Variants in ZNF749 observed in about 807,000 individuals in gnomAD.
The protein encoded by ZNF749 is zinc finger protein 749.
Under a neutral mutation model 7.3 loss-of-function variants are expected in ZNF749, and 8 were observed. The observed-to-expected ratio is 1.10, with a 90% CI of 0.64 to 1.98. The LOEUF is 1.98. Among genes scored for constraint, ZNF749 ranks in the 30% most tolerant of loss-of-function variants. The probability of loss-of-function intolerance (pLI) is 0.00; values close to 1 mark genes in which losing one functional copy is unlikely to be tolerated. For missense variants in ZNF749, 898 were observed against 932.4 expected, an observed-to-expected ratio of 0.96 and a Z score of 0.48; for synonymous variants, 310 against 322.4, an observed-to-expected ratio of 0.96 and a Z score of 0.41.
At position 57,442,036 on chromosome 19, in the gene ZNF749, T is replaced by C. The variant is rs749630023; in HGVS notation, c.142+25T>C. 8.1e-6 allele frequency: 13 copies of C among 1,605,876 alleles called. No individual in the cohort carries two copies. The highest frequency in any genetic ancestry group is 1.1e-5 in the South Asian group (1 of 89,570). On this transcript the variant is annotated intron_variant, in intron 2 of 2. Transcript: ENST00000334181. This position sits in a 1 kb window ranked among gnomAD's most constrained non-coding sequence, Gnocchi z 6.6. ...GGTAAGGCCTTCATACCTACTCTGG[T>C]GTCTTGTGCTGGGTGCTGTTTTTTT...
upstream of ZNF749, among the ~76,000 whole-genome samples, chr19:57,432,559 C>CT (rs1333343115): frequency 5.0e-3 from 461 of 92,154 alleles, 2 homozygotes; most frequent in Non-Finnish European, 7.6e-3. Flanking sequence ...GAGACTCTGT[C>CT]TTAAAAAAAA....
Position 57,443,551 on chromosome 19 carries a change from G to A in ZNF749, c.403G>A (p.Glu135Lys), listed in dbSNP as rs2089017427. 6.2e-7 allele frequency: 1 copy of A among 1,614,134 alleles called. No individual in the cohort carries two copies. Among genetic ancestry groups the A allele is most frequent in the Non-Finnish European group, 8.5e-7 (1 of 1,180,050 alleles). ...QIREKLTRSD[E>K]WRPSFVNHSA... ...TAGAGAGAAGCTCACCAGAAGTGATGAGTGGAGGCCTTCATTTGTGAACCA... is the reference window on the plus strand; with the variant it reads ...TAGAGAGAAGCTCACCAGAAGTGATAAGTGGAGGCCTTCATTTGTGAACCA... The change falls in exon 3 of 3, where the codon GAG becomes AAG. Residue 135 changes from glutamate (E) to lysine (K), a missense_variant. Transcript: ENST00000334181.
At chr19:57,441,226 AGCAGTGGGGGCGAGAGAAGTGCGAAT>A (rs1177498915) in intron 1 of ZNF749, among the ~76,000 whole-genome samples, 1 of 151,592 alleles carries the variant, frequency 6.6e-6, no homozygotes, top group Non-Finnish European at 1.5e-5. Context: ...AGCAATCAGT[AGCAGTGGGGGCGAGAGAAGTGCGAAT>A]GCTACCAGGA....
rs2088924979 is a variant in ZNF749 at position 57,435,475 on chromosome 19, C to T, written c.-104C>T. On this transcript the variant is annotated 5_prime_UTR_variant, in exon 1 of 3. Transcript: ENST00000334181. Reference sequence around the variant, plus strand: ...TTCCTTCTACACAGAGGCTAGAGTGCGGATCGGCTGAGTCGGCTGCAGGCG... The same window carrying T: ...TTCCTTCTACACAGAGGCTAGAGTGTGGATCGGCTGAGTCGGCTGCAGGCG... 25 of 1,505,140 alleles carry T rather than the reference C, an allele frequency of 1.7e-5. 1 individual carries two copies. In the South Asian group the frequency reaches 2.9e-4, roughly 17 times the overall value. 93.2% of individuals were successfully genotyped at this position (1,505,140 alleles called of 1,614,324 possible). A position where few individuals can be genotyped will look rare whatever the true frequency, so the allele number is the denominator to read the frequency against.
rs753114536 is a variant in ZNF749 at position 57,443,978 on chromosome 19, G to T, written c.830G>T (p.Gly277Val). ...CAGCACCAGAAAATTCACAGTGAAGGCTTTCTTTCAAAAAGGTCTGACCCC... is the reference window on the plus strand; with the variant it reads ...CAGCACCAGAAAATTCACAGTGAAGTCTTTCTTTCAAAAAGGTCTGACCCC... ...LVQHQKIHSE[G>V]FLSKRSDPIE... is the part of the protein sequence containing the mutation. The change falls in exon 3 of 3, where the codon GGC (glycine) becomes GTC (valine). Residue 277 changes from glycine (G) to valine (V), a missense_variant. Transcript: ENST00000334181. 33 of 1,613,586 alleles carry T rather than the reference G, an allele frequency of 2.0e-5. No homozygotes were observed. The highest frequency in any genetic ancestry group is 2.5e-5 in the Non-Finnish European group (29 of 1,179,800).
chr19:57,441,834 A>C, intron 1 of ZNF749, 51 bp from the exon 2 acceptor site: 1 of 1,609,466 alleles, frequency 6.2e-7, no homozygotes. Flanking sequence ...AGATCTAAGG[A>C]AACACAGAAT....
At chr19:57,434,772 C>T (rs948168101), upstream of ZNF749, among the ~76,000 whole-genome samples, 4 of 152,172 alleles carry the variant, frequency 2.6e-5, no homozygotes, top group Non-Finnish European at 5.9e-5. Flanking sequence ...TCCATCACAT[C>T]CTGTGTGGGT....
chr19:57,438,375 G>A, intron 1 of ZNF749: 1 of 288,702 alleles, frequency 3.5e-6, no homozygotes, highest in Non-Finnish European at 6.3e-6. Flanking sequence ...AATAAATGTG[G>A]AGGGCTGTGG....
rs1311594078 is a variant in ZNF749, at chr19:57,444,913, T to C, written c.1765T>C (p.Cys589Arg). ...TGERRYECNE[C>R]GKFFLDSYKL... is the part of the protein sequence containing the mutation. ...AGAACGGCGTTATGAATGCAATGAATGTGGGAAATTCTTTTTGGACAGCTA... is the reference window on the plus strand; with the variant it reads ...AGAACGGCGTTATGAATGCAATGAACGTGGGAAATTCTTTTTGGACAGCTA... Residue 589 changes from cysteine to arginine, a missense_variant, in exon 3 of 3, where the codon TGT becomes CGT. Coordinates refer to ENST00000334181, the MANE Select transcript of ZNF749 (RefSeq NM_001023561.4). 4 of 1,614,034 alleles carry C rather than the reference T, an allele frequency of 2.5e-6. No homozygotes were observed. The Admixed American group carries it at 5.0e-5, about 20-fold the overall frequency.
intron 2 of ZNF749, 53 bp from the exon 3 acceptor site, chr19:57,443,238 G>C (rs1568546113): frequency 1.3e-6 from 2 of 1,482,314 alleles, no homozygotes; most frequent in Admixed American, 1.9e-5. Context: ...TGATGGGGCT[G>C]TCTCCTCCCT....
In ZNF749 at chr19:57,442,554, T is replaced by C. The variant is rs1233323658; in HGVS notation, c.142+543T>C. ...CCTGCCTTTCCCGTAGCTGGACTTA[T>C]GCCGCAGCTAGATAGTTGCTCACCT... On this transcript the variant is annotated intron_variant, in intron 2 of 2. Transcript: ENST00000334181. This position sits in a 1 kb window ranked among gnomAD's most constrained non-coding sequence, Gnocchi z 6.6. Among the ~76,000 whole-genome samples, 3 of 152,198 alleles carry C rather than the reference T, an allele frequency of 2.0e-5. No individual in the cohort carries two copies. The highest frequency in any genetic ancestry group is 4.4e-5 in the Non-Finnish European group (3 of 68,036).
rs1329079195 is a variant in ZNF749 at position 57,436,858 on chromosome 19, A to G, written c.15+1265A>G. Among the ~76,000 whole-genome samples the G allele has an allele frequency of 6.6e-6, 1 of 152,244 alleles. No homozygotes were observed. Among genetic ancestry groups the G allele is most frequent in the African/African-American group, 2.4e-5 (1 of 41,470 alleles). ...ACTTAAACAGTAAGGAACTATATCA[A>G]TCTTAAATAACCAAGCAAGTCAGAA... On this transcript the variant is annotated intron_variant, in intron 1 of 2. Coordinates refer to ENST00000334181, the MANE Select transcript of ZNF749 (RefSeq NM_001023561.4). The surrounding 1 kb of genome is among the most constrained non-coding windows in gnomAD (Gnocchi z 4.0).
Position 57,444,652 on chromosome 19 carries a change from C to T in ZNF749, c.1504C>T (p.Gln502Ter), listed in dbSNP as rs1465869705. 1.2e-6 allele frequency: 2 copies of T among 1,613,430 alleles called. No homozygotes were observed. The highest frequency in any genetic ancestry group is 1.7e-6 in the Non-Finnish European group (2 of 1,179,888). ...FLTQAHLVGH[Q>*]KIHTGERPYE... ...TACACAGGCTCATCTGGTTGGTCAC[C>T]AGAAAATCCATACTGGAGAACGGCC... Residue 502 changes from glutamine to a stop codon, truncating the protein, a stop_gained, in exon 3 of 3, where the codon CAG (glutamine) becomes TAG (stop). Coordinates refer to ENST00000334181, the MANE Select transcript of ZNF749 (RefSeq NM_001023561.4). LOFTEE classifies it low-confidence loss of function (END_TRUNC).
upstream of ZNF749, among the ~76,000 whole-genome samples, chr19:57,430,844 A>C (rs185757991): frequency 6.6e-6 from 1 of 152,092 alleles, no homozygotes; most frequent in African/African-American, 2.4e-5. Flanking sequence ...GATTGAGACC[A>C]TCCTGGCCAA....
chr19:57,434,181 T>G (rs549146734), upstream of ZNF749, among the ~76,000 whole-genome samples: 2 of 152,282 alleles, frequency 1.3e-5, no homozygotes, highest in South Asian at 4.1e-4. Context: ...CACCGTAACC[T>G]CCGCCTCCCG....
In ZNF749 at chr19:57,445,654, C is replaced by T. The variant is rs1321011885; in HGVS notation, c.*169C>T. The T allele has an allele frequency of 7.9e-6, 6 of 761,308 alleles. No individual in the cohort carries two copies. The highest frequency in any genetic ancestry group is 1.3e-4 in the Admixed American group (2 of 15,972). 47.2% of individuals were successfully genotyped at this position (761,308 alleles called of 1,614,324 possible). On this transcript the variant is annotated 3_prime_UTR_variant, in exon 3 of 3. Transcript: ENST00000334181. ...TACATTAAAAACATTTATGTCCAGG[C>T]GTGGTGGCTCACGCCTGTAATCCCA...
chr19:57,430,711 G>T (rs1183965678), upstream of ZNF749, among the ~76,000 whole-genome samples: 1 of 152,096 alleles, frequency 6.6e-6, no homozygotes, highest in African/African-American at 2.4e-5. Context: ...AATAAAGGGG[G>T]CCTGGGCAAA....
rs2088932876 is a variant in ZNF749 at position 57,436,033 on chromosome 19, G to A, written c.15+440G>A. ...AGTTATGGTAGGGCTGGGCCAGAGGGGTTGCAGTAGAGGGGAGATGTGATG... is the reference window on the plus strand; with the variant it reads ...AGTTATGGTAGGGCTGGGCCAGAGGAGTTGCAGTAGAGGGGAGATGTGATG... On this transcript the variant is annotated intron_variant, in intron 1 of 2. Transcript: ENST00000334181. This position sits in a 1 kb window ranked among gnomAD's most constrained non-coding sequence, Gnocchi z 4.0. 6.6e-6 allele frequency among the ~76,000 whole-genome samples: 1 copy of A among 152,198 alleles called. No homozygotes were observed. The highest frequency in any genetic ancestry group is 2.4e-5 in the African/African-American group (1 of 41,460).
Position 57,442,695 on chromosome 19 carries a change from C to T in ZNF749, c.143-596C>T, listed in dbSNP as rs931384371. 6.6e-6 allele frequency among the ~76,000 whole-genome samples: 1 copy of T among 152,146 alleles called. No individual in the cohort carries two copies. Among genetic ancestry groups the T allele is most frequent in the Non-Finnish European group, 1.5e-5 (1 of 68,026 alleles). ...TGAAAGCTGGGAAAGGATGTGATAT[C>T]AAGGCTGGGTTCAAATCACATTGAG... On this transcript the variant is annotated intron_variant, in intron 2 of 2. Coordinates refer to ENST00000334181, the MANE Select transcript of ZNF749 (RefSeq NM_001023561.4). The surrounding 1 kb of genome is among the most constrained non-coding windows in gnomAD (Gnocchi z 6.6).
Sources: gnomAD v4.1 joint callset for allele counts (sites outside exome capture counted in the v4.1 genomes callset) on GRCh38, gnomAD v4.1.1 for gene constraint, Gnocchi (gnomAD v3.1) non-coding constraint, MANE v1.5 for transcripts, NCBI Gene and HGNC (gene_info 2026-07-23, HGNC 2026-07-21) for gene names.